Variants in SAE1 observed in about 807,000 individuals in gnomAD.
SAE1 encodes SUMO1 activating enzyme subunit 1.
SAE1 carries 11 observed loss-of-function variants against 40.6 expected under a neutral mutation model. That is an observed-to-expected ratio of 0.27 (90% CI 0.17 to 0.45). The LOEUF (loss-of-function observed/expected upper bound fraction) is 0.45. SAE1 is among the 20% of genes least tolerant of loss of function. SAE1 has a pLI of 1.00. For missense variants in SAE1, 373 were observed against 427.3 expected (o/e 0.87, Z 1.12); for synonymous variants, 155 against 154.3 (o/e 1.00, Z -0.03).
rs184562450 is a variant in SAE1, at chr19:47,151,412, A to G, written c.384+1037A>G. Among the ~76,000 whole-genome samples the G allele has an allele frequency of 3.3e-3, 503 of 151,976 alleles. 3 individuals carry two copies. Among genetic ancestry groups the G allele is most frequent in the African/African-American group, 0.012 (477 of 41,448 alleles). On this transcript the variant is annotated intron_variant, in intron 3 of 8. Coordinates refer to ENST00000270225, the MANE Select transcript of SAE1 (RefSeq NM_005500.3). ...GTAATCCACCTGCCTCGGCCTCCCA[A>G]AGTGGTGGGATTACAGGTGTGAGCC...
At chr19:47,198,318 G>A (rs766289834) in intron 7 of SAE1, among the ~76,000 whole-genome samples, 2 of 151,916 alleles carry the variant, frequency 1.3e-5, no homozygotes, top group African/African-American at 4.8e-5. Flanking sequence ...TTCCATGTTG[G>A]CCAGGCAGGT....
chr19:47,150,193 T>C lies in SAE1; in HGVS notation c.211-9T>C, dbSNP rs377707107. 1.1e-5 allele frequency: 17 copies of C among 1,551,288 alleles called. No homozygotes were observed. Among genetic ancestry groups the C allele is most frequent in the Admixed American group, 2.1e-5 (1 of 47,758 alleles). On this transcript the variant is annotated splice_polypyrimidine_tract_variant and intron_variant, in intron 2 of 8. Coordinates refer to ENST00000270225, the MANE Select transcript of SAE1 (RefSeq NM_005500.3). ...ACAAGACTTAAAAAAATATGTGTAT[T>C]ATTCCTAGGTAACTCCAGAAGATCC...
At chr19:47,139,509 A>G (rs997432963) in intron 1 of SAE1, among the ~76,000 whole-genome samples, 2 of 151,842 alleles carry the variant, frequency 1.3e-5, no homozygotes, top group Admixed American at 1.3e-4. Context: ...TCGGAGAGAA[A>G]CGATGGTGGC....
intron 6 of SAE1, chr19:47,180,220 A>G (rs760595435): frequency 6.6e-6 from 3 of 456,300 alleles, no homozygotes; most frequent in South Asian, 4.6e-5. Flanking sequence ...TCATGCCAAG[A>G]TGTTAATACC....
chr19:47,132,267 T>G (rs956849396), intron 1 of SAE1, among the ~76,000 whole-genome samples: 13 of 151,652 alleles, frequency 8.6e-5, no homozygotes, highest in Middle Eastern at 3.4e-3. Context: ...CCAGCTTGTT[T>G]TTTTTTTTTT....
At chr19:47,204,187 C>CTTTTTTTTT (rs57736880) in intron 8 of SAE1, among the ~76,000 whole-genome samples, 45 of 82,132 alleles carry the variant, frequency 5.5e-4, no homozygotes, top group African/African-American at 2.6e-3. Context: ...AAAGCCCTCC[C>CTTTTTTTTT]TTTTTTTTTT....
intron 6 of SAE1, among the ~76,000 whole-genome samples, chr19:47,174,949 TC>T (rs1471919053): frequency 4.0e-5 from 6 of 151,898 alleles, no homozygotes. Context: ...CCTCAGGTGA[TC>T]CTCCTGCCTC....
intron 1 of SAE1, among the ~76,000 whole-genome samples, chr19:47,136,708 G>A (rs1336963123): frequency 6.6e-6 from 1 of 151,998 alleles, no homozygotes; most frequent in African/African-American, 2.4e-5. Context: ...TGGTCAGGCT[G>A]TGAACTCCTG....
chr19:47,180,392 A>G lies in SAE1; in HGVS notation c.733+10469A>G, dbSNP rs184098440. Reference sequence around the variant, plus strand: ...GTCAAAAGAACAAGAAGAATAATCAATTAATGTAAACAAGGAATTATGAAG... The same window carrying G: ...GTCAAAAGAACAAGAAGAATAATCAGTTAATGTAAACAAGGAATTATGAAG... On this transcript the variant is annotated intron_variant, in intron 6 of 8. Coordinates refer to ENST00000270225, the MANE Select transcript of SAE1 (RefSeq NM_005500.3). The G allele has an allele frequency of 4.7e-5, 18 of 383,452 alleles. 1 individual carries two copies. The highest frequency in any genetic ancestry group is 1.0e-5 in the Non-Finnish European group (2 of 193,054). The allele number at this position is 383,452 out of a possible 1,614,324, so 23.8% of individuals were successfully genotyped here.
At chr19:47,137,030 GTT>G (rs2058184646) in intron 1 of SAE1, among the ~76,000 whole-genome samples, 1 of 152,150 alleles carries the variant, frequency 6.6e-6, no homozygotes. Flanking sequence ...TTATAAGACA[GTT>G]ATCCTACTTC....
At chr19:47,149,422 C>T (rs747654993) in intron 2 of SAE1, among the ~76,000 whole-genome samples, 6 of 151,818 alleles carry the variant, frequency 4.0e-5, no homozygotes, top group African/African-American at 7.3e-5. Context: ...CCTCCTGCCT[C>T]GGCCTCCCAA....
intron 5 of SAE1, among the ~76,000 whole-genome samples, chr19:47,159,311 G>GA (rs1448651589): frequency 1.3e-5 from 2 of 152,142 alleles, no homozygotes; most frequent in Non-Finnish European, 2.9e-5. Context: ...CGTCATTAAA[G>GA]AAACAGTCGA....
chr19:47,193,865 A>G (rs1026731891), intron 6 of SAE1, among the ~76,000 whole-genome samples: 2 of 150,966 alleles, frequency 1.3e-5, no homozygotes, highest in African/African-American at 4.9e-5. Context: ...AGAAAAAGAA[A>G]TTACCTCTTC....
intron 6 of SAE1, among the ~76,000 whole-genome samples, chr19:47,179,205 A>AG (rs1358039392): frequency 6.6e-6 from 1 of 150,690 alleles, no homozygotes; most frequent in Non-Finnish European, 1.5e-5. Context: ...AAAAAAAAAA[A>AG]AAAGAAAGAA....
intron 4 of SAE1, among the ~76,000 whole-genome samples, chr19:47,153,285 A>G (rs575390414): frequency 6.6e-6 from 1 of 152,172 alleles, no homozygotes; most frequent in African/African-American, 2.4e-5. Flanking sequence ...AATGATTACA[A>G]AATAGTTGGG....
chr19:47,146,676 A>C (rs1309083452), intron 2 of SAE1, among the ~76,000 whole-genome samples: 1 of 152,146 alleles, frequency 6.6e-6, no homozygotes, highest in East Asian at 1.9e-4. Flanking sequence ...AAGGAAGAAA[A>C]GTACTGGCCC....
rs1234238031 is a variant in SAE1 at position 47,209,475 on chromosome 19, A to G, written c.*224A>G. 1.0e-5 allele frequency: 7 copies of G among 692,438 alleles called. No homozygotes were observed. In the South Asian group the frequency reaches 1.4e-4, roughly 14 times the overall value. 42.9% of individuals were successfully genotyped at this position (692,438 alleles called of 1,614,324 possible). On this transcript the variant is annotated 3_prime_UTR_variant, in exon 9 of 9. Coordinates refer to ENST00000270225, the MANE Select transcript of SAE1 (RefSeq NM_005500.3). ...GGCTGTCTTTGTTCCAGCACTGTTC[A>G]GGCTGCCTGTCATCCCGGGCCTGCC...
intron 6 of SAE1, among the ~76,000 whole-genome samples, chr19:47,170,360 A>G (rs2058423201): frequency 6.6e-6 from 1 of 151,928 alleles, no homozygotes; most frequent in Non-Finnish European, 1.5e-5. Flanking sequence ...GATGACAGGC[A>G]TGCACCACTG....
chr19:47,201,183 G>A (rs1221034490), intron 7 of SAE1, among the ~76,000 whole-genome samples: 1 of 151,712 alleles, frequency 6.6e-6, no homozygotes, highest in Non-Finnish European at 1.5e-5. Context: ...TGAGTAGCTG[G>A]GACTACAGGC....
Sources: gnomAD v4.1 joint callset for allele counts (sites outside exome capture counted in the v4.1 genomes callset) on GRCh38, gnomAD v4.1.1 for gene constraint, MANE v1.5 for transcripts, NCBI Gene and HGNC (gene_info 2026-07-23, HGNC 2026-07-21) for gene names.